Variants in ENG observed in about 807,000 individuals in gnomAD.
ENG encodes endoglin.
ENG carries 17 observed loss-of-function variants against 71.0 expected under a neutral mutation model. That is an observed-to-expected ratio of 0.24 (90% confidence interval 0.16 to 0.36). The LOEUF is 0.36. Ranked by LOEUF, ENG falls within the 10% of genes least tolerant of loss-of-function variation. The pLI, the probability that ENG is intolerant of heterozygous loss-of-function variation, is 1.00. For missense variants in ENG, 749 were observed against 868.3 expected (o/e 0.86, Z 1.73); for synonymous variants, 360 against 366.9 (o/e 0.98, Z 0.21).
intron 3 of ENG, among the ~76,000 whole-genome samples, chr9:127,828,434 G>A (rs1331172972): frequency 6.6e-6 from 1 of 152,114 alleles, no homozygotes; most frequent in East Asian, 1.9e-4. Flanking sequence ...ACCGGCCCCA[G>A]GGAGCCCGCT....
intron 10 of ENG, 63 bp from the exon 11 acceptor site, chr9:127,818,895 G>T (rs1830403761): frequency 1.4e-6 from 2 of 1,445,206 alleles, no homozygotes; most frequent in Non-Finnish European, 9.7e-7. Context: ...GGCGAGGGGT[G>T]TGGGGAGGAA....
At chr9:127,825,619 G>C in intron 5 of ENG, 76 bp downstream of exon 5, 2 of 1,317,072 alleles carry the variant, frequency 1.5e-6, no homozygotes, top group South Asian at 2.9e-5. Flanking sequence ...TAAGGGACCG[G>C]AGAGGGGGCG....
chr9:127,829,602 G>T (rs1472543855), intron 3 of ENG, 85 bp downstream of exon 3: 14 of 1,570,224 alleles, frequency 8.9e-6, no homozygotes, highest in Non-Finnish European at 1.2e-5. Flanking sequence ...GGCCGCTGGG[G>T]TGGGAGACCC....
In ENG at chr9:127,836,267, C is replaced by T. The variant is rs41365347; in HGVS notation, c.220-6440G>A. 0.024 allele frequency among the ~76,000 whole-genome samples: 3,595 copies of T among 152,336 alleles called. 131 individuals carry two copies. Among genetic ancestry groups the T allele is most frequent in the African/African-American group, 0.079 (3,265 of 41,576 alleles). On this transcript the variant is annotated intron_variant, in intron 2 of 14. Transcript: ENST00000373203. This position sits in a 1 kb window ranked among gnomAD's most constrained non-coding sequence, Gnocchi z 4.0. ...CGCAGTCTGGCCAGCCCCTCACCCC[C>T]AGCCCGGCCAGCCTGCGCCTACCCA...
chr9:127,845,560 G>A (rs1332976480), intron 1 of ENG, among the ~76,000 whole-genome samples: 2 of 152,220 alleles, frequency 1.3e-5, no homozygotes, highest in Non-Finnish European at 2.9e-5. Context: ...CAGGCCCAAT[G>A]CTTACCAGCT....
Position 127,825,381 on chromosome 9 carries a change from G to C in ENG, c.690-24C>G, listed in dbSNP as rs753904326. The C allele has an allele frequency of 2.5e-6, 4 of 1,607,454 alleles. No individual in the cohort carries two copies. The African/African-American group carries it at 4.0e-5, about 16-fold the overall frequency. The stretch of plus-strand genomic sequence containing the variant: ...GCCTGCGGGGAGACAGACGCGGATG[G>C]AACACTGAAGCGGACAGGCCAGGCG... On this transcript the variant is annotated intron_variant, in intron 5 of 14. Transcript: ENST00000373203.
chr9:127,851,384 T>A (rs1831281795), intron 1 of ENG, among the ~76,000 whole-genome samples: 1 of 151,916 alleles, frequency 6.6e-6, no homozygotes, highest in African/African-American at 2.4e-5. Flanking sequence ...TACGCCTGGC[T>A]AATTTTTGTA....
Position 127,825,319 on chromosome 9 carries a change from G to A in ENG, c.728C>T (p.Ala243Val), listed in dbSNP as rs991063378. ...GAGGACGGCATCGAGATCCCCGGGT[G>A]CGCAGCTCAGTTCCACCTTCACCGT... ...TVTVKVELSC[A>V]PGDLDAVLIL... The change falls in exon 6 of 15, where the codon GCA (alanine) becomes GTA (valine). Residue 243 changes from alanine to valine, a missense_variant. Coordinates refer to ENST00000373203, the MANE Select transcript of ENG (RefSeq NM_001114753.3). The A allele has an allele frequency of 9.9e-6, 16 of 1,611,050 alleles. No homozygotes were observed. The highest frequency in any genetic ancestry group is 1.2e-5 in the Non-Finnish European group (14 of 1,179,512).
At chr9:127,829,601 G>A in intron 3 of ENG, 86 bp downstream of exon 3, 12 of 1,564,372 alleles carry the variant, frequency 7.7e-6, no homozygotes, top group Non-Finnish European at 7.9e-6. Flanking sequence ...GGGCCGCTGG[G>A]GTGGGAGACC....
At chr9:127,821,940 C>T (rs1389507571) in intron 8 of ENG, among the ~76,000 whole-genome samples, 1 of 146,658 alleles carries the variant, frequency 6.8e-6, no homozygotes, top group Non-Finnish European at 1.5e-5. Context: ...TTCCCAACTA[C>T]TCAGGAGGCT....
intron 13 of ENG, chr9:127,816,328 G>A: frequency 1.9e-6 from 1 of 536,364 alleles, no homozygotes; most frequent in Non-Finnish European, 3.4e-6. Flanking sequence ...TTTTCAGGGA[G>A]GATGGATGGG....
At position 127,850,197 on chromosome 9, in the gene ENG, A is replaced by C. The variant is rs559961419; in HGVS notation, c.67+4092T>G. Among the ~76,000 whole-genome samples the C allele has an allele frequency of 3.3e-5, 5 of 152,346 alleles. No homozygotes were observed. In the South Asian group the frequency reaches 1.0e-3, roughly 32 times the overall value. ...AGGTCACAAAAGTTGTGGGGAAAAGAAGCTGAATTTGGAAGCAGACGGCCT... is the reference window on the plus strand; with the variant it reads ...AGGTCACAAAAGTTGTGGGGAAAAGCAGCTGAATTTGGAAGCAGACGGCCT... On this transcript the variant is annotated intron_variant, in intron 1 of 14. Coordinates refer to ENST00000373203, the MANE Select transcript of ENG (RefSeq NM_001114753.3).
chr9:127,843,160 C>G lies in ENG; in HGVS notation c.153G>C (p.Lys51Asn), dbSNP rs140070436. The G allele has an allele frequency of 5.6e-6, 9 of 1,614,150 alleles. No individual in the cohort carries two copies. In the African/African-American group the frequency reaches 9.3e-5, roughly 17 times the overall value. The change falls in exon 2 of 15, where the codon AAG becomes AAC. Residue 51 changes from lysine to asparagine, a missense_variant. Coordinates refer to ENST00000373203, the MANE Select transcript of ENG (RefSeq NM_001114753.3). ...EVTYTTSQVS[K>N]GCVAQAPNAI... The stretch of plus-strand genomic sequence containing the variant: ...CATTGGGGGCCTGAGCCACGCAGCC[C>G]TTCGAGACCTGGCTAGTGGTATATG...
intron 2 of ENG, among the ~76,000 whole-genome samples, chr9:127,835,829 G>A (rs565697080): frequency 6.6e-6 from 1 of 152,262 alleles, no homozygotes; most frequent in Admixed American, 6.5e-5. Context: ...GAGGGGTGAC[G>A]AGGAGGCTGG....
chr9:127,815,907 C>T, intron 14 of ENG, 36 bp downstream of exon 14: 1 of 1,577,634 alleles, frequency 6.3e-7, no homozygotes, highest in Non-Finnish European at 8.6e-7. Context: ...GATGGAGGGG[C>T]CCGGCATGCT....
At chr9:127,842,225 CTTTTTT>C (rs58446681) in intron 2 of ENG, among the ~76,000 whole-genome samples, 4 of 116,000 alleles carry the variant, frequency 3.4e-5, no homozygotes, top group Admixed American at 1.8e-4. Flanking sequence ...TTTTTCTTTT[CTTTTTT>C]TTTTTTTTTT....
At chr9:127,847,279 G>A (rs985882192) in intron 1 of ENG, 3 of 152,246 alleles carry the variant, frequency 2.0e-5, no homozygotes, top group Admixed American at 1.3e-4. Context: ...TAAGTGTCAC[G>A]GCCTGGATTT....
intron 10 of ENG, chr9:127,819,409 G>A: frequency 1.6e-6 from 1 of 619,784 alleles, no homozygotes; most frequent in Non-Finnish European, 2.8e-6. Context: ...AGGCCACACA[G>A]CCAGTATGTG....
At chr9:127,849,053 C>CTTTG (rs1266620854) in intron 1 of ENG, among the ~76,000 whole-genome samples, 11 of 152,166 alleles carry the variant, frequency 7.2e-5, no homozygotes, top group Admixed American at 6.5e-4. Context: ...TGGTCACCTG[C>CTTTG]TTTGACCTAA....
Sources: allele counts gnomAD v4.1 joint callset (sites outside exome capture counted in the v4.1 genomes callset), GRCh38; gene constraint gnomAD v4.1.1; non-coding constraint Gnocchi (gnomAD v3.1); transcripts MANE v1.5; gene names NCBI Gene and HGNC (gene_info 2026-07-23, HGNC 2026-07-21).